The following RDX variants were observed in gnomAD, a reference collection of about 807,000 sequenced individuals.
RDX encodes radixin, also known as deafness, autosomal recessive 24.
In RDX, 32 loss-of-function variants were observed where a neutral mutation model predicts 83.7. That is an observed-to-expected ratio of 0.38 (90% CI 0.29 to 0.51). The LOEUF (loss-of-function observed/expected upper bound fraction) is 0.51. Ranked by LOEUF, RDX falls within the 20% of genes least tolerant of loss-of-function variation. RDX has a pLI of 0.87. For missense variants in RDX, 600 were observed against 689.9 expected (o/e 0.87, Z 1.46); for synonymous variants, 229 against 222.7 (o/e 1.03, Z -0.25).
chr11:110,212,243 G>T (rs1863864662), intron 14 of RDX, among the ~76,000 whole-genome samples: 1 of 152,122 alleles, frequency 6.6e-6, no homozygotes, highest in South Asian at 2.1e-4. Context: ...GGAAGAAATG[G>T]ATAAATTCCT....
At position 110,254,088 on chromosome 11, in the gene RDX, G is replaced by A. The variant is rs370869036; in HGVS notation, c.817C>T (p.Arg273Cys). The change falls in exon 9 of 14, where the codon CGT becomes TGT. Residue 273 changes from arginine to cysteine, a missense_variant. Arg to Cys is a radical substitution (Grantham distance 180). Transcript: ENST00000645495. ...AAAATCCGCTTATTGATTCTCAGAC[G>A]AGGTGCATAAAACACAAAATCCTAA... Reference protein sequence around the residue: ...KAPDFVFYAPRLRINKRILAL... With the variant: ...KAPDFVFYAPCLRINKRILAL... The A allele has an allele frequency of 5.6e-6, 9 of 1,613,436 alleles. No homozygotes were observed. The highest frequency in any genetic ancestry group is 1.7e-5 in the Admixed American group (1 of 59,934).
chr11:110,272,053 G>A (rs964102111), intron 3 of RDX, among the ~76,000 whole-genome samples: 1 of 152,150 alleles, frequency 6.6e-6, no homozygotes, highest in African/African-American at 2.4e-5. Flanking sequence ...AATGAATTTT[G>A]TGTTTAGACT....
At chr11:110,243,198 T>C (rs1042159900) in intron 10 of RDX, among the ~76,000 whole-genome samples, 4 of 152,092 alleles carry the variant, frequency 2.6e-5, no homozygotes, top group African/African-American at 9.7e-5. Flanking sequence ...GTAAGTATAA[T>C]GCAAATATTC....
chr11:110,179,700 A>G (rs1862842280), intron 15 of RDX, among the ~76,000 whole-genome samples: 1 of 152,052 alleles, frequency 6.6e-6, no homozygotes, highest in African/African-American at 2.4e-5. Context: ...TTGAACCCAG[A>G]GGCAGAAGTT....
At chr11:110,260,079 C>T (rs1046832010) in intron 5 of RDX, among the ~76,000 whole-genome samples, 1 of 151,854 alleles carries the variant, frequency 6.6e-6, no homozygotes, top group East Asian at 1.9e-4. Context: ...CTCCACCTCC[C>T]GGGTTCAAGC....
intron 1 of RDX, among the ~76,000 whole-genome samples, chr11:110,280,114 A>G (rs1335072798): frequency 6.6e-6 from 1 of 152,244 alleles, no homozygotes; most frequent in African/African-American, 2.4e-5. Context: ...AGGAACAATA[A>G]AAGTGAAGAC....
intron 14 of RDX, among the ~76,000 whole-genome samples, chr11:110,206,904 G>A (rs1028488830): frequency 2.0e-5 from 3 of 152,152 alleles, no homozygotes; most frequent in Admixed American, 6.5e-5. Context: ...AGACCCAAAC[G>A]AGCAATTCTC....
chr11:110,196,018 G>A (rs117919176), intron 15 of RDX: 1,918 of 152,368 alleles, frequency 0.013, 19 homozygotes, highest in East Asian at 0.044. Flanking sequence ...AAACTGAGAA[G>A]AGGAGAGAAC....
intron 1 of RDX, among the ~76,000 whole-genome samples, chr11:110,288,853 A>G (rs143564583): frequency 4.6e-5 from 7 of 152,342 alleles, no homozygotes; most frequent in African/African-American, 1.7e-4. Context: ...TGTCAAGGGC[A>G]ATAGTTTCCT....
intron 15 of RDX, among the ~76,000 whole-genome samples, chr11:110,179,297 A>G (rs1298873531): frequency 6.6e-6 from 1 of 152,216 alleles, no homozygotes; most frequent in African/African-American, 2.4e-5. Context: ...CCCAGTGGCA[A>G]AAAGTGACAA....
At chr11:110,253,624 C>T (rs1859425553) in intron 9 of RDX, among the ~76,000 whole-genome samples, 1 of 151,854 alleles carries the variant, frequency 6.6e-6, no homozygotes, top group African/African-American at 2.4e-5. Flanking sequence ...ACATTCTTAC[C>T]CTGAAAAAAT....
chr11:110,246,818 C>T (rs1160375189), intron 10 of RDX, among the ~76,000 whole-genome samples: 1 of 151,424 alleles, frequency 6.6e-6, no homozygotes, highest in South Asian at 2.1e-4. Flanking sequence ...ATGCAAACAT[C>T]CCAAAATCGG....
chr11:110,204,513 C>CTT (rs1863530317), intron 14 of RDX, among the ~76,000 whole-genome samples: 1 of 123,042 alleles, frequency 8.1e-6, no homozygotes, highest in African/African-American at 3.1e-5. Context: ...TTTTTTTTTT[C>CTT]CTTTTTTTTT....
rs546041709 is a variant in RDX at position 110,202,925 on chromosome 11, A to G, written c.1749-3247T>C. 2.0e-4 allele frequency among the ~76,000 whole-genome samples: 31 copies of G among 152,238 alleles called. No individual in the cohort carries two copies. The South Asian group carries it at 5.4e-3, about 26-fold the overall frequency. On this transcript the variant is annotated intron_variant, in intron 14 of 15. Transcript: ENST00000528498. ...TGTGAAGAAAAGGGAACCTTTGTAC[A>G]CTGTTGGTGAGACTGTAAATTAGTA...
chr11:110,278,847 A>G (rs1467235284), intron 2 of RDX, among the ~76,000 whole-genome samples: 2 of 152,020 alleles, frequency 1.3e-5, no homozygotes, highest in African/African-American at 4.8e-5. Context: ...TAATTGGCCA[A>G]AAGAAACATT....
chr11:110,295,206 C>T (rs543652524), intron 1 of RDX, among the ~76,000 whole-genome samples: 1 of 150,958 alleles, frequency 6.6e-6, no homozygotes, highest in South Asian at 2.1e-4. Flanking sequence ...TCCAGTGATG[C>T]TGTTTTGGCA....
chr11:110,271,476 C>T (rs1228222267), intron 3 of RDX, among the ~76,000 whole-genome samples: 1 of 152,152 alleles, frequency 6.6e-6, no homozygotes, highest in Admixed American at 6.5e-5. Flanking sequence ...GCAACAGTTT[C>T]TTCATGTTCT....
At chr11:110,232,075 G>A (rs978249603) in intron 13 of RDX, 42 bp from the exon 14 acceptor site, 1 of 1,495,016 alleles carries the variant, frequency 6.7e-7, no homozygotes, top group Non-Finnish European at 9.2e-7. Context: ...TTTTTTCTTA[G>A]ATTTAAAAAA....
At chr11:110,217,731 G>C (rs760670963) in intron 14 of RDX, among the ~76,000 whole-genome samples, 2 of 152,068 alleles carry the variant, frequency 1.3e-5, no homozygotes, top group Non-Finnish European at 2.9e-5. Context: ...ATACGCCCTC[G>C]GCCCTAAAGG....
Sources: gnomAD v4.1 joint callset for allele counts (sites outside exome capture counted in the v4.1 genomes callset) on GRCh38, gnomAD v4.1.1 for gene constraint, MANE v1.5 for transcripts, NCBI Gene and HGNC (gene_info 2026-07-23, HGNC 2026-07-21) for gene names.